ZNF154: variants seen among roughly 807,000 people sequenced by gnomAD.
ZNF154 encodes the protein zinc finger protein 154, also known as zinc finger protein 154 (pHZ-92).
ZNF154 carries 6 observed loss-of-function variants against 7.5 expected under a neutral mutation model. That is an observed-to-expected ratio of 0.80 (90% CI 0.44 to 1.57). The LOEUF (loss-of-function observed/expected upper bound fraction) is 1.57, where lower values mean the gene tolerates loss of function less well. ZNF154 is among the 40% of genes most tolerant of loss of function. The probability of loss-of-function intolerance (pLI) is 0.01; values close to 1 mark genes in which losing one functional copy is unlikely to be tolerated. For missense variants in ZNF154, 485 were observed against 531.4 expected, an observed-to-expected ratio of 0.91 and a Z score of 0.86; for synonymous variants, 187 against 185.9, an observed-to-expected ratio of 1.01 and a Z score of -0.05.
rs1411523167 is a variant in ZNF154 at position 57,709,129 on chromosome 19, C to T, written c.-158G>A. 2 of 955,104 alleles carry T rather than the reference C, an allele frequency of 2.1e-6. No individual in the cohort carries two copies. Among genetic ancestry groups the T allele is most frequent in the South Asian group, 3.1e-5 (2 of 64,054 alleles). 59.2% of individuals were successfully genotyped at this position (955,104 alleles called of 1,614,324 possible). On this transcript the variant is annotated 5_prime_UTR_variant, in exon 1 of 3. Coordinates refer to ENST00000684351, the MANE Select transcript of ZNF154 (RefSeq NM_001085384.3). The stretch of plus-strand genomic sequence containing the variant: ...GGAGGGACGACGACTCCCCTCACGC[C>T]TTCGTGGCCCCAACTCGGCGCTCTG...
chr19:57,707,915 C>T (rs1227518136), intron 1 of ZNF154, among the ~76,000 whole-genome samples: 1 of 152,120 alleles, frequency 6.6e-6, no homozygotes, highest in Non-Finnish European at 1.5e-5. Context: ...GGCACCAGAC[C>T]CAGGATTGGG....
chr19:57,704,912 G>A lies in ZNF154; in HGVS notation c.101C>T (p.Ala34Val), dbSNP rs760254213. The change falls in exon 2 of 3, where the codon GCT becomes GTT. Residue 34 changes from alanine to valine, a missense_variant. Coordinates refer to ENST00000684351, the MANE Select transcript of ZNF154 (RefSeq NM_001085384.3). ...CACATCACGGTACAGGCATCTTTGAGCCTCATCAAGGAGACCCCATTCCTC... is the reference window on the plus strand; with the variant it reads ...CACATCACGGTACAGGCATCTTTGAACCTCATCAAGGAGACCCCATTCCTC... ...SWEEWGLLDE[A>V]QRCLYRDVML... 12 of 1,613,898 alleles carry A rather than the reference G, an allele frequency of 7.4e-6. No individual in the cohort carries two copies. Among genetic ancestry groups the A allele is most frequent in the South Asian group, 4.4e-5 (4 of 91,056 alleles).
At chr19:57,704,008 CA>C (rs796487870) in intron 2 of ZNF154, among the ~76,000 whole-genome samples, 1 of 149,526 alleles carries the variant, frequency 6.7e-6, no homozygotes, top group Non-Finnish European at 1.5e-5. Flanking sequence ...GACTCCGTCT[CA>C]AAAAAAAAGA....
At chr19:57,704,142 T>C (rs1431677113) in intron 2 of ZNF154, among the ~76,000 whole-genome samples, 1 of 152,098 alleles carries the variant, frequency 6.6e-6, no homozygotes, top group Non-Finnish European at 1.5e-5. Flanking sequence ...CCAGGCTGGA[T>C]GTTAAGAGCA....
rs34109195 is a variant in ZNF154 at position 57,701,162 on chromosome 19, G to GA, written c.*472dup. ...GTCCATGGCCTAACTCATCAGAAAGGAAAAAAAAAAAACGGAATAAATGCT... is the reference window on the plus strand; with the variant it reads ...GTCCATGGCCTAACTCATCAGAAAGGAAAAAAAAAAAAACGGAATAAATGCT... On this transcript the variant is annotated 3_prime_UTR_variant, in exon 3 of 3. Transcript: ENST00000684351. 0.26 allele frequency: 39,148 copies of GA among 149,594 alleles called. 4,908 individuals are homozygous for GA. Among genetic ancestry groups the GA allele is most frequent in the East Asian group, 0.41 (2,169 of 5,348 alleles). 9.3% of individuals were successfully genotyped at this position (149,594 alleles called of 1,614,324 possible).
chr19:57,708,650 A>G (rs1298710117), intron 1 of ZNF154, among the ~76,000 whole-genome samples: 2 of 152,114 alleles, frequency 1.3e-5, no homozygotes, highest in South Asian at 2.1e-4. Flanking sequence ...CCTCACAATG[A>G]CAGTACAACC....
At chr19:57,705,442 C>T (rs2122406670) in intron 1 of ZNF154, among the ~76,000 whole-genome samples, 1 of 152,278 alleles carries the variant, frequency 6.6e-6, no homozygotes, top group Non-Finnish European at 1.5e-5. Flanking sequence ...TGGACAAACA[C>T]ACAATACCTG....
At chr19:57,704,614 G>C (rs1300982331) in intron 2 of ZNF154, among the ~76,000 whole-genome samples, 6 of 152,192 alleles carry the variant, frequency 3.9e-5, no homozygotes, top group African/African-American at 1.4e-4. Context: ...TAGGGTGACT[G>C]CAAGACTGCA....
At position 57,697,751 on chromosome 19, in the gene ZNF154, T is replaced by C. The variant is rs1268341477; in HGVS notation, c.*3884A>G. ...TAAATGACTATGAAATGATAAATGG[T>C]GAAGGAAAAAAAAATAGTGAAGGAA... is the stretch of plus-strand genomic sequence containing the variant. On this transcript the variant is annotated 3_prime_UTR_variant, in exon 3 of 3. Coordinates refer to ENST00000684351, the MANE Select transcript of ZNF154 (RefSeq NM_001085384.3). 1.3e-5 allele frequency: 2 copies of C among 151,766 alleles called. No individual in the cohort carries two copies. The highest frequency in any genetic ancestry group is 3.9e-4 in the East Asian group (2 of 5,180). The allele number at this position is 151,766 out of a possible 1,614,324, so 9.4% of individuals were successfully genotyped here.
intron 1 of ZNF154, 82 bp downstream of exon 1, chr19:57,708,857 G>T: frequency 6.6e-7 from 1 of 1,525,222 alleles, no homozygotes; most frequent in Admixed American, 2.0e-5. Context: ...GGGCAGCGGG[G>T]ACTCGAGCAG....
intron 2 of ZNF154, among the ~76,000 whole-genome samples, chr19:57,704,379 AACAC>A (rs375883504): frequency 2.6e-5 from 4 of 151,996 alleles, no homozygotes; most frequent in African/African-American, 9.7e-5. Flanking sequence ...CCACAGGAAA[AACAC>A]ACACACACAC....
At position 57,702,576 on chromosome 19, in the gene ZNF154, T is replaced by A. The variant is rs1471021965; in HGVS notation, c.373A>T (p.Ile125Phe). ...QSNSKSDGGA[I>F]SHRGKTHYNC... ...TAATGAGTTTTTCCTCTGTGACTGA[T>A]GGCCCCACCGTCGCTTTTGCTATTT... Residue 125 changes from isoleucine (I) to phenylalanine (F), a missense_variant, in exon 3 of 3, where the codon ATC becomes TTC. Physicochemically the swap from Ile to Phe is conservative, Grantham distance 21. Coordinates refer to ENST00000684351, the MANE Select transcript of ZNF154 (RefSeq NM_001085384.3). 6.2e-7 allele frequency: 1 copy of A among 1,614,046 alleles called. No homozygotes were observed. Among genetic ancestry groups the A allele is most frequent in the Non-Finnish European group, 8.5e-7 (1 of 1,179,964 alleles).
rs746111579 is a variant in ZNF154 at position 57,696,576 on chromosome 19, G to A, written c.*5059C>T. On this transcript the variant is annotated 3_prime_UTR_variant, in exon 3 of 3. Coordinates refer to ENST00000684351, the MANE Select transcript of ZNF154 (RefSeq NM_001085384.3). The stretch of plus-strand genomic sequence containing the variant: ...GGCAGCAGAGGGAGCAGAGGGCCTG[G>A]GGCAGCCAGGCACCGGAAGTGCTGC... 2.0e-5 allele frequency among the ~76,000 whole-genome samples: 3 copies of A among 152,160 alleles called. No homozygotes were observed. The highest frequency in any genetic ancestry group is 2.9e-5 in the Non-Finnish European group (2 of 68,030).
intron 2 of ZNF154, 81 bp downstream of exon 2, chr19:57,704,772 G>T (rs1049514831): frequency 6.5e-7 from 1 of 1,531,382 alleles, no homozygotes; most frequent in Non-Finnish European, 8.8e-7. Context: ...GTCTTGTCAT[G>T]AGAAGGACAG....
rs1985207000 is a variant in ZNF154 at position 57,702,382 on chromosome 19, A to G, written c.567T>C (p.Tyr189=). The change falls in exon 3 of 3, where the codon TAT becomes TAC. Residue 189 remains tyrosine (Y), a synonymous_variant. Coordinates refer to ENST00000684351, the MANE Select transcript of ZNF154 (RefSeq NM_001085384.3). The part of the protein sequence containing the change: ...HWRLHTGEKP[Y]ECRECGKSFR... ...AGGACTTCCCACACTCTCGACATTCATAAGGCTTTTCTCCAGTGTGAAGTC... is the reference window on the plus strand; with the variant it reads ...AGGACTTCCCACACTCTCGACATTCGTAAGGCTTTTCTCCAGTGTGAAGTC... The G allele has an allele frequency of 6.2e-7, 1 of 1,612,834 alleles. No homozygotes were observed. Among genetic ancestry groups the G allele is most frequent in the Non-Finnish European group, 8.5e-7 (1 of 1,178,924 alleles).
chr19:57,706,024 C>A (rs1336500546), intron 1 of ZNF154, among the ~76,000 whole-genome samples: 1 of 152,130 alleles, frequency 6.6e-6, no homozygotes, highest in Non-Finnish European at 1.5e-5. Context: ...TGTGCCTGGT[C>A]TCCTTGATTA....
Position 57,702,332 on chromosome 19 carries a change from T to C in ZNF154, c.617A>G (p.Gln206Arg). Residue 206 changes from glutamine to arginine, a missense_variant, in exon 3 of 3, where the codon CAG (glutamine) becomes CGG (arginine). Transcript: ENST00000684351. The stretch of plus-strand genomic sequence containing the variant: ...TACTGCAGTGTGAACTCTCCGGTGC[T>C]GAATGAGACTAGAGCTTTGCCTAAA... Reference protein sequence around the residue: ...KSFRQSSSLIQHRRVHTAVRP... With the variant: ...KSFRQSSSLIRHRRVHTAVRP... 6.2e-7 allele frequency: 1 copy of C among 1,612,930 alleles called. No homozygotes were observed. Among genetic ancestry groups the C allele is most frequent in the Non-Finnish European group, 8.5e-7 (1 of 1,178,982 alleles).
intron 1 of ZNF154, among the ~76,000 whole-genome samples, chr19:57,707,338 TAC>T (rs1434995688): frequency 6.6e-6 from 1 of 152,158 alleles, no homozygotes. Flanking sequence ...CAGTGAATAT[TAC>T]TGTTAATACC....
In ZNF154 at chr19:57,701,592, C is replaced by T; in HGVS notation, c.*43G>A. 1 of 1,582,492 alleles carries T rather than the reference C, an allele frequency of 6.3e-7. No individual in the cohort carries two copies. The highest frequency in any genetic ancestry group is 8.6e-7 in the Non-Finnish European group (1 of 1,161,720). On this transcript the variant is annotated 3_prime_UTR_variant, in exon 3 of 3. Transcript: ENST00000684351. ...TCACTGTGTACTCAAGGACTTTCTC[C>T]AGGGTGCTAACAGATTTTCCACATT...
Sources: gnomAD v4.1 joint callset for allele counts (sites outside exome capture counted in the v4.1 genomes callset) on GRCh38, gnomAD v4.1.1 for gene constraint, MANE v1.5 for transcripts, NCBI Gene and HGNC (gene_info 2026-07-23, HGNC 2026-07-21) for gene names.